GABRA3: variants seen among roughly 807,000 people sequenced by gnomAD.
GABRA3 encodes the protein gamma-aminobutyric acid receptor subunit alpha-3.
Under a neutral mutation model 30.1 loss-of-function variants are expected in GABRA3, and 10 were observed. That is an observed-to-expected ratio of 0.33 (90% CI 0.20 to 0.56). The LOEUF is 0.56. Among genes scored for constraint, GABRA3 ranks in the 20% least tolerant of loss-of-function variants. The pLI is 0.89. For missense variants in GABRA3, 233 were observed against 392.0 expected (o/e 0.59, Z 3.42); for synonymous variants, 151 against 146.8 (o/e 1.03, Z -0.21).
chrX:152,168,584 G>T (rs200594582), intron 9 of GABRA3, 21 bp from the exon 10 acceptor site: 6 of 1,115,293 alleles, frequency 5.4e-6, no homozygotes, highest in East Asian at 3.0e-5. Flanking sequence ...GGAAAAAGAG[G>T]GGGGGAAAGG....
At chrX:152,420,123 T>C (rs1304479048) in intron 1 of GABRA3, among the ~76,000 whole-genome samples, 1 of 111,627 alleles carries the variant, frequency 9.0e-6, no homozygotes, top group Non-Finnish European at 1.9e-5. Context: ...TGGAAACTTC[T>C]TAATCTGATA....
intron 1 of GABRA3, among the ~76,000 whole-genome samples, chrX:152,399,593 T>C (rs1379414536): frequency 8.9e-6 from 1 of 111,836 alleles, no homozygotes; most frequent in African/African-American, 3.2e-5. Context: ...AGTTCATGTG[T>C]GGTCTCACAA....
At chrX:152,287,716 A>C (rs189462089) in intron 3 of GABRA3, among the ~76,000 whole-genome samples, 211 of 111,237 alleles carry the variant, frequency 1.9e-3, no homozygotes, top group African/African-American at 6.8e-3. Context: ...AAAATGACCA[A>C]GGAAGGTCTT....
intron 3 of GABRA3, among the ~76,000 whole-genome samples, chrX:152,288,991 T>A (rs1037374470): frequency 4.0e-4 from 44 of 109,815 alleles, no homozygotes; most frequent in African/African-American, 1.4e-3. Flanking sequence ...GGTCTGCACA[T>A]ATATGCATAA....
intron 1 of GABRA3, among the ~76,000 whole-genome samples, chrX:152,376,233 A>G (rs1020224427): frequency 7.2e-5 from 8 of 110,663 alleles, no homozygotes; most frequent in African/African-American, 2.6e-4. Context: ...TGCTTGATAC[A>G]TTACCCTTGC....
At chrX:152,447,378 T>G (rs962772561) in intron 1 of GABRA3, among the ~76,000 whole-genome samples, 1 of 111,811 alleles carries the variant, frequency 8.9e-6, no homozygotes, top group African/African-American at 3.3e-5. Flanking sequence ...CCCTCTGAAG[T>G]AGTCAAGTTG....
intron 1 of GABRA3, among the ~76,000 whole-genome samples, chrX:152,368,881 A>G (rs1353212275): frequency 2.8e-5 from 3 of 108,759 alleles, no homozygotes; most frequent in Non-Finnish European, 5.7e-5. Context: ...AATTTTTTGT[A>G]TTTGTAGTAG....
intron 3 of GABRA3, among the ~76,000 whole-genome samples, chrX:152,291,943 T>A (rs747348135): frequency 1.7e-4 from 19 of 112,115 alleles, no homozygotes; most frequent in Admixed American, 7.6e-4. Flanking sequence ...GATTTTTGCA[T>A]CAATGTTCAT....
chrX:152,315,752 A>G (rs1246259150), intron 3 of GABRA3, among the ~76,000 whole-genome samples: 1 of 110,335 alleles, frequency 9.1e-6, no homozygotes, highest in Non-Finnish European at 1.9e-5. Context: ...GACAACCTGC[A>G]TGATACAGCA....
intron 6 of GABRA3, among the ~76,000 whole-genome samples, chrX:152,215,056 T>TATATATA (rs1422105758): frequency 1.6e-3 from 164 of 102,403 alleles, no homozygotes; most frequent in Non-Finnish European, 2.7e-3. Flanking sequence ...ATATATATAT[T>TATATATA]TTTTTATATG....
intron 9 of GABRA3, among the ~76,000 whole-genome samples, chrX:152,180,698 T>G (rs1356592227): frequency 1.8e-5 from 2 of 112,158 alleles, no homozygotes; most frequent in African/African-American, 6.5e-5. Flanking sequence ...TTTAATCCAT[T>G]TTGAGTTGAC....
At position 152,224,748 on chromosome X, in the gene GABRA3, A is replaced by G; in HGVS notation, c.634+15T>C. On this transcript the variant is annotated intron_variant, in intron 6 of 9. Transcript: ENST00000370314. ...GCAAAAAAAAAAGACAGAGAGAGAGAGAGAAAATACATACAGCTTCCAAAC... is the reference window on the plus strand; with the variant it reads ...GCAAAAAAAAAAGACAGAGAGAGAGGGAGAAAATACATACAGCTTCCAAAC... 8.9e-7 allele frequency: 1 copy of G among 1,128,571 alleles called. No homozygotes were observed. Among genetic ancestry groups the G allele is most frequent in the Non-Finnish European group, 1.2e-6 (1 of 830,192 alleles). 93.0% of individuals were successfully genotyped at this position (1,128,571 alleles called of 1,213,427 possible).
intron 5 of GABRA3, among the ~76,000 whole-genome samples, chrX:152,238,595 A>G (rs1268670079): frequency 9.5e-6 from 1 of 105,193 alleles, no homozygotes; most frequent in African/African-American, 3.4e-5. Flanking sequence ...TACCTCTGGT[A>G]GAATTCAGCT....
chrX:152,356,593 C>T (rs182608208), intron 2 of GABRA3, among the ~76,000 whole-genome samples: 3,204 of 110,928 alleles, frequency 0.029, 94 homozygotes, highest in African/African-American at 0.099. Context: ...TAATTTTTTT[C>T]TTTACAGCTT....
intron 1 of GABRA3, among the ~76,000 whole-genome samples, chrX:152,439,337 T>G (rs1206899239): frequency 1.8e-5 from 2 of 110,561 alleles, no homozygotes; most frequent in Middle Eastern, 4.6e-3. Context: ...TTCACCATGT[T>G]GGCCAGGCTG....
intron 3 of GABRA3, among the ~76,000 whole-genome samples, chrX:152,316,632 G>A (rs999440558): frequency 3.6e-5 from 4 of 111,723 alleles, no homozygotes; most frequent in Admixed American, 9.5e-5. Context: ...ACCTATAAAG[G>A]AAAACCTATC....
intron 1 of GABRA3, among the ~76,000 whole-genome samples, chrX:152,422,497 A>G (rs911035639): frequency 2.7e-5 from 3 of 110,213 alleles, no homozygotes; most frequent in Non-Finnish European, 5.7e-5. Context: ...TTTAACAAAA[A>G]TTCATTGCGC....
intron 1 of GABRA3, among the ~76,000 whole-genome samples, chrX:152,402,866 C>A (rs1455721302): frequency 1.8e-5 from 2 of 111,777 alleles, no homozygotes; most frequent in Non-Finnish European, 3.8e-5. Flanking sequence ...ATATCAAAGA[C>A]AACACTTTAT....
chrX:152,303,778 A>G (rs1000417664), intron 3 of GABRA3, among the ~76,000 whole-genome samples: 1 of 106,673 alleles, frequency 9.4e-6, no homozygotes, highest in Non-Finnish European at 1.9e-5. Flanking sequence ...ACATGGACAC[A>G]GGGAGGGGAA....
Sources: gnomAD v4.1 joint callset for allele counts (sites outside exome capture counted in the v4.1 genomes callset) on GRCh38, gnomAD v4.1.1 for gene constraint, MANE v1.5 for transcripts, NCBI Gene and HGNC (gene_info 2026-07-23, HGNC 2026-07-21) for gene names.